AUTS2: variants seen among roughly 807,000 people sequenced by gnomAD.
AUTS2 encodes the protein activator of transcription and developmental regulator AUTS2, also known as autism susceptibility gene 2 protein.
AUTS2 carries 17 observed loss-of-function variants against 112.4 expected under a neutral mutation model. That is an observed-to-expected ratio of 0.15 (90% CI 0.10 to 0.23). The LOEUF is 0.23. Ranked by LOEUF, AUTS2 falls within the 10% of genes least tolerant of loss-of-function variation. The pLI, the probability that AUTS2 is intolerant of heterozygous loss-of-function variation, is 1.00. For synonymous variants in AUTS2, 751 were observed against 702.7 expected (o/e 1.07, Z -1.09); for missense variants, 1,510 against 1,701.6 (o/e 0.89, Z 1.98).
intron 6 of AUTS2, among the ~76,000 whole-genome samples, chr7:70,738,246 C>T (rs1210279001): frequency 6.6e-6 from 1 of 152,092 alleles, no homozygotes; most frequent in Non-Finnish European, 1.5e-5. Context: ...GTTCTCACTG[C>T]GGTTTTCTCC....
At chr7:69,743,065 A>G (rs1787336149) in intron 1 of AUTS2, among the ~76,000 whole-genome samples, 1 of 152,170 alleles carries the variant, frequency 6.6e-6, no homozygotes, top group Non-Finnish European at 1.5e-5. Context: ...TTTAGGTGGG[A>G]AAGTAGCTTT....
intron 1 of AUTS2, among the ~76,000 whole-genome samples, chr7:69,631,947 G>A (rs1218955445): frequency 6.6e-6 from 1 of 152,038 alleles, no homozygotes; most frequent in African/African-American, 2.4e-5. Context: ...TCTCTAAGTT[G>A]TACTCATTGA....
rs140908007 is a variant in AUTS2, at chr7:70,254,303, A to G, written c.660+119732A>G. ...AATAAAATATAAAGTATAATCATTA[A>G]TGTAATTTACTTCTTTCATTCCAGT... On this transcript the variant is annotated intron_variant, in intron 4 of 18. Transcript: ENST00000342771. Among the ~76,000 whole-genome samples the G allele has an allele frequency of 2.0e-3, 305 of 152,348 alleles. 1 individual carries two copies. Among genetic ancestry groups the G allele is most frequent in the African/African-American group, 7.0e-3 (292 of 41,594 alleles).
chr7:70,777,746 T>C (rs1790800815), intron 14 of AUTS2, among the ~76,000 whole-genome samples: 1 of 152,226 alleles, frequency 6.6e-6, no homozygotes. Flanking sequence ...ATTTTATTGA[T>C]CCAAAGGTCT....
At chr7:69,845,339 G>T (rs1329181956) in intron 1 of AUTS2, among the ~76,000 whole-genome samples, 1 of 152,064 alleles carries the variant, frequency 6.6e-6, no homozygotes, top group Non-Finnish European at 1.5e-5. Flanking sequence ...CGTTATCCCT[G>T]CCCTCAAACT....
At chr7:69,871,738 A>G (rs955916502) in intron 1 of AUTS2, among the ~76,000 whole-genome samples, 7 of 152,194 alleles carry the variant, frequency 4.6e-5, no homozygotes, top group African/African-American at 1.7e-4. Flanking sequence ...GGGATGATTC[A>G]TGTTTGGGTG....
chr7:69,955,814 C>T (rs1413655648), intron 2 of AUTS2, among the ~76,000 whole-genome samples: 4 of 152,008 alleles, frequency 2.6e-5, no homozygotes, highest in East Asian at 3.9e-4. Context: ...CTCCCTAGCT[C>T]GACACACACA....
chr7:70,351,052 CTTTTT>C (rs34943340), intron 4 of AUTS2, among the ~76,000 whole-genome samples: 2 of 134,954 alleles, frequency 1.5e-5, no homozygotes, highest in Admixed American at 7.4e-5. Context: ...TTGTCTTCTT[CTTTTT>C]TTTTTTTTTT....
chr7:70,268,434 C>T (rs988033607), intron 4 of AUTS2, among the ~76,000 whole-genome samples: 2 of 152,132 alleles, frequency 1.3e-5, no homozygotes, highest in African/African-American at 2.4e-5. Flanking sequence ...TAGCTTAGTA[C>T]AGTCTTTGTT....
intron 4 of AUTS2, among the ~76,000 whole-genome samples, chr7:70,245,726 C>T (rs1032904060): frequency 2.0e-5 from 3 of 152,034 alleles, no homozygotes; most frequent in Non-Finnish European, 1.5e-5. Context: ...TTATGTGTCT[C>T]CTGGCACATA....
At chr7:70,554,589 A>T (rs1801168913) in intron 5 of AUTS2, among the ~76,000 whole-genome samples, 2 of 152,020 alleles carry the variant, frequency 1.3e-5, no homozygotes, top group Non-Finnish European at 2.9e-5. Flanking sequence ...TCCCCAAGGG[A>T]TGCTCTTTGC....
intron 1 of AUTS2, among the ~76,000 whole-genome samples, chr7:69,695,336 A>T (rs567191198): frequency 6.6e-6 from 1 of 152,204 alleles, no homozygotes; most frequent in Admixed American, 6.5e-5. Context: ...TATAAAAAAG[A>T]AAAAAAATTT....
chr7:70,287,261 C>T (rs941074048), intron 4 of AUTS2, among the ~76,000 whole-genome samples: 6 of 152,156 alleles, frequency 3.9e-5, no homozygotes, highest in African/African-American at 1.4e-4. Flanking sequence ...GGGTCCTCCT[C>T]TTCTTACACC....
intron 5 of AUTS2, among the ~76,000 whole-genome samples, chr7:70,671,312 A>T (rs1807629205): frequency 1.3e-5 from 2 of 152,250 alleles, no homozygotes; most frequent in East Asian, 3.9e-4. Flanking sequence ...TAGCCTTCAT[A>T]AAATGACTTA....
At chr7:69,651,114 G>A (rs1795267631) in intron 1 of AUTS2, among the ~76,000 whole-genome samples, 1 of 152,210 alleles carries the variant, frequency 6.6e-6, no homozygotes, top group African/African-American at 2.4e-5. Flanking sequence ...TGAGGAGTTG[G>A]AGGCTGTGTT....
At chr7:69,662,859 T>A (rs1795868523) in intron 1 of AUTS2, among the ~76,000 whole-genome samples, 1 of 152,180 alleles carries the variant, frequency 6.6e-6, no homozygotes, top group Non-Finnish European at 1.5e-5. Flanking sequence ...ATAACAGACA[T>A]CTTATGGAAT....
chr7:69,903,252 G>A (rs994867828), intron 2 of AUTS2, among the ~76,000 whole-genome samples: 3 of 152,126 alleles, frequency 2.0e-5, no homozygotes, highest in Non-Finnish European at 4.4e-5. Context: ...AGGAAGTCAG[G>A]TGTCGCTAAA....
rs900509119 is a variant in AUTS2 at position 69,782,072 on chromosome 7, G to A, written c.310-117214G>A. Among the ~76,000 whole-genome samples, 11 of 152,298 alleles carry A rather than the reference G, an allele frequency of 7.2e-5. No individual in the cohort carries two copies. In the South Asian group the frequency reaches 2.1e-3, roughly 29 times the overall value. Reference sequence around the variant, plus strand: ...TTCAGTAGGTCTGAAATGGGACCAGGTTTTAGAATCTTCTTCGCGGCCCGG... The same window carrying A: ...TTCAGTAGGTCTGAAATGGGACCAGATTTTAGAATCTTCTTCGCGGCCCGG... On this transcript the variant is annotated intron_variant, in intron 1 of 18. Transcript: ENST00000342771.
intron 5 of AUTS2, chr7:70,437,796 C>A (rs111906771): frequency 6.8e-6 from 1 of 146,878 alleles, no homozygotes; most frequent in African/African-American, 2.6e-5. Context: ...GCAGAGATCG[C>A]ACCACTGTAC....
Sources: allele counts gnomAD v4.1 joint callset (sites outside exome capture counted in the v4.1 genomes callset), GRCh38; gene constraint gnomAD v4.1.1; transcripts MANE v1.5; gene names NCBI Gene and HGNC (gene_info 2026-07-23, HGNC 2026-07-21).